The following KANK2 variants were observed in gnomAD, a reference collection of about 807,000 sequenced individuals.
KANK2 encodes KN motif and ankyrin repeat domains 2.
In KANK2, 41 loss-of-function variants were observed where a neutral mutation model predicts 74.6. The observed-to-expected ratio is 0.55, with a 90% CI of 0.43 to 0.71. KANK2 has a LOEUF of 0.71. Ranked by LOEUF, KANK2 falls within the 30% of genes least tolerant of loss-of-function variation. The pLI is 0.00. For synonymous variants in KANK2, 537 were observed against 519.0 expected (o/e 1.03, Z -0.47); for missense variants, 1,148 against 1,196.4 (o/e 0.96, Z 0.60).
intron 12 of KANK2, among the ~76,000 whole-genome samples, chr19:11,168,151 C>A (rs530528535): frequency 2.6e-5 from 4 of 151,776 alleles, no homozygotes; most frequent in African/African-American, 7.2e-5. Flanking sequence ...TAAAGGCATG[C>A]GCCACCACAC....
Position 11,170,216 on chromosome 19 carries a change from G to T in KANK2, c.2244C>A (p.Ser748Arg), listed in dbSNP as rs1289931642. The T allele has an allele frequency of 6.2e-7, 1 of 1,610,720 alleles. No homozygotes were observed. Among genetic ancestry groups the T allele is most frequent in the Non-Finnish European group, 8.5e-7 (1 of 1,180,016 alleles). Residue 748 changes from serine (S) to arginine (R), a missense_variant, in exon 11 of 13, where the codon AGC becomes AGA. Transcript: ENST00000586659. This position sits in a 1 kb window ranked among gnomAD's most constrained non-coding sequence, Gnocchi z 5.2. ...CTTTGACAACGTCCACCCGCCCGTG[G>T]CTGACGGCCAGCATCAGGGCCGTCT... Reference protein sequence around the residue: ...AGQTALMLAVSHGRVDVVKAL... With the variant: ...AGQTALMLAVRHGRVDVVKAL...
In KANK2 at chr19:11,170,297, G is replaced by T. The variant is rs751197895; in HGVS notation, c.2212-49C>A. The T allele has an allele frequency of 5.9e-6, 9 of 1,516,778 alleles. No individual in the cohort carries two copies. In the South Asian group the frequency reaches 1.0e-4, roughly 17 times the overall value. 94.0% of individuals were successfully genotyped at this position (1,516,778 alleles called of 1,614,324 possible). On this transcript the variant is annotated intron_variant, in intron 10 of 12. Transcript: ENST00000586659. This position sits in a 1 kb window ranked among gnomAD's most constrained non-coding sequence, Gnocchi z 5.2. ...TATGGTTCATGCAGGCCCCAGGGCA[G>T]GACACCCCCTGGTCTAGAACCTGCT...
chr19:11,193,334 C>A lies in KANK2; in HGVS notation c.746G>T (p.Cys249Phe). Residue 249 changes from cysteine to phenylalanine, a missense_variant, in exon 4 of 13, where the codon TGC becomes TTC. Cys to Phe is a radical substitution (Grantham distance 205). Transcript: ENST00000586659. The surrounding 1 kb of genome is among the most constrained non-coding windows in gnomAD (Gnocchi z 9.6). ...CTCTGGGGGATCGGGGAGGTCCAGGCAGAGCTCGCTGCGACCCCGGCCCGC... is the reference window on the plus strand; with the variant it reads ...CTCTGGGGGATCGGGGAGGTCCAGGAAGAGCTCGCTGCGACCCCGGCCCGC... ...PTAGRGRSELCLDLPDPPEDP... is the reference protein window; with the variant it reads ...PTAGRGRSELFLDLPDPPEDP... 1.9e-6 allele frequency: 3 copies of A among 1,612,796 alleles called. No individual in the cohort carries two copies. The highest frequency in any genetic ancestry group is 2.2e-5 in the East Asian group (1 of 44,866).
In KANK2 at chr19:11,164,359, T is replaced by C. The variant is rs1883934725; in HGVS notation, c.*2199A>G. 6.6e-6 allele frequency: 1 copy of C among 152,126 alleles called. No individual in the cohort carries two copies. The highest frequency in any genetic ancestry group is 1.5e-5 in the Non-Finnish European group (1 of 68,022). The allele number at this position is 152,126 out of a possible 1,614,324, so 9.4% of individuals were successfully genotyped here. Reference sequence around the variant, plus strand: ...TACTTCATTTAAGTGTAATACTGGCTTTATGGACGTACCGTGATCAGAAAG... The same window carrying C: ...TACTTCATTTAAGTGTAATACTGGCCTTATGGACGTACCGTGATCAGAAAG... On this transcript the variant is annotated 3_prime_UTR_variant, in exon 13 of 13. Transcript: ENST00000586659.
At position 11,193,443 on chromosome 19, in the gene KANK2, G is replaced by A; in HGVS notation, c.637C>T (p.Gln213Ter). Residue 213 changes from glutamine to a stop codon, truncating the protein, a stop_gained, in exon 4 of 13, where the codon CAG becomes TAG. Coordinates refer to ENST00000586659, the MANE Select transcript of KANK2 (RefSeq NM_001136191.3). LOFTEE classifies it high-confidence loss of function. The surrounding 1 kb of genome is among the most constrained non-coding windows in gnomAD (Gnocchi z 9.6). ...EEQVKLIPVL[Q>*]VKLSVLQEEK... ...TCCTGGAGCACCGAGAGCTTCACCT[G>A]GAGCACAGGGATCAGCTTCACCTGC... 1 of 1,612,328 alleles carries A rather than the reference G, an allele frequency of 6.2e-7. No individual in the cohort carries two copies. The highest frequency in any genetic ancestry group is 2.2e-5 in the East Asian group (1 of 44,874).
At chr19:11,167,559 A>C (rs2078057164) in intron 12 of KANK2, among the ~76,000 whole-genome samples, 2 of 135,614 alleles carry the variant, frequency 1.5e-5, no homozygotes, top group Admixed American at 7.5e-5. Context: ...GCGGAATCTC[A>C]CTCTGTCACC....
At chr19:11,189,083 C>T (rs1176972276) in intron 4 of KANK2, among the ~76,000 whole-genome samples, 1 of 148,452 alleles carries the variant, frequency 6.7e-6, no homozygotes, top group Non-Finnish European at 1.5e-5. Context: ...GAACACTTGA[C>T]ATGAATTGAT....
chr19:11,197,841 G>A (rs1319470772), upstream of KANK2: 1 of 151,974 alleles, frequency 6.6e-6, no homozygotes, highest in Non-Finnish European at 1.5e-5. Context: ...GCGGGGGGCG[G>A]AACGGCTCGG....
chr19:11,170,111 G>T lies in KANK2; in HGVS notation c.2349C>A (p.Gly783=). The change falls in exon 11 of 13, where the codon GGC becomes GGA. Residue 783 remains glycine (G), a synonymous_variant. Transcript: ENST00000586659. The surrounding 1 kb of genome is among the most constrained non-coding windows in gnomAD (Gnocchi z 5.2). ...STALMCACEH[G]HKEIAGLLLA... ...GCAGCAGCCCCGCGATCTCCTTGTG[G>T]CCGTGCTCACAGGCGCACATGAGGG... 1.2e-6 allele frequency: 2 copies of T among 1,613,414 alleles called. No homozygotes were observed. Among genetic ancestry groups the T allele is most frequent in the Non-Finnish European group, 1.7e-6 (2 of 1,180,024 alleles).
In KANK2 at chr19:11,164,514, A is replaced by T. The variant is rs76643934; in HGVS notation, c.*2044T>A. 3.3e-5 allele frequency: 5 copies of T among 152,176 alleles called. No homozygotes were observed. Among genetic ancestry groups the T allele is most frequent in the Non-Finnish European group, 7.3e-5 (5 of 68,054 alleles). 9.4% of individuals were successfully genotyped at this position (152,176 alleles called of 1,614,324 possible). ...TCAGGGGTCACGCATTCCTGGGCCA[A>T]GGAGTTGCTTCTAAGAGCTTAAAAT... On this transcript the variant is annotated 3_prime_UTR_variant, in exon 13 of 13. Transcript: ENST00000586659.
intron 6 of KANK2, 111 bp from the exon 7 acceptor site, chr19:11,176,928 C>T: frequency 2.4e-6 from 3 of 1,264,486 alleles, no homozygotes; most frequent in East Asian, 2.5e-5. Context: ...GCTTCCCCAT[C>T]TGTTCAATGG....
chr19:11,193,701 T>C lies in KANK2; in HGVS notation c.379A>G (p.Thr127Ala), dbSNP rs914220930. ...RGGFNPRVER[T>A]LLDARRRLED... ...AGACGGCGACGGGCATCCAGCAGCGTGCGCTCCACCCGCGGATTGAAGCCA... is the reference window on the plus strand; with the variant it reads ...AGACGGCGACGGGCATCCAGCAGCGCGCGCTCCACCCGCGGATTGAAGCCA... Residue 127 changes from threonine to alanine, a missense_variant, in exon 4 of 13, where the codon ACG (threonine) becomes GCG (alanine). Physicochemically the swap from Thr to Ala is moderately conservative, Grantham distance 58 (BLOSUM62 0). Coordinates refer to ENST00000586659, the MANE Select transcript of KANK2 (RefSeq NM_001136191.3). The surrounding 1 kb of genome is among the most constrained non-coding windows in gnomAD (Gnocchi z 9.6). The C allele has an allele frequency of 1.6e-5, 25 of 1,611,496 alleles. No individual in the cohort carries two copies. Among genetic ancestry groups the C allele is most frequent in the Non-Finnish European group, 2.0e-5 (23 of 1,179,256 alleles).
chr19:11,174,781 G>T, intron 8 of KANK2, 89 bp from the exon 9 acceptor site: 2 of 1,039,842 alleles, frequency 1.9e-6, no homozygotes, highest in Non-Finnish European at 2.9e-6. Context: ...GGAGCAAAGC[G>T]TGGTGCCCTT....
At position 11,183,235 on chromosome 19, in the gene KANK2, G is replaced by T. The variant is rs2078579558; in HGVS notation, c.1250-4515C>A. ...TTAATAAATGGACCAATGGGACAGA[G>T]AAGACAGGCTCCAATCTCTGGGCAC... On this transcript the variant is annotated intron_variant, in intron 4 of 12. Coordinates refer to ENST00000586659, the MANE Select transcript of KANK2 (RefSeq NM_001136191.3). Among the ~76,000 whole-genome samples, 4 of 152,318 alleles carry T rather than the reference G, an allele frequency of 2.6e-5. No individual in the cohort carries two copies. The South Asian group carries it at 8.3e-4, about 32-fold the overall frequency.
intron 4 of KANK2, among the ~76,000 whole-genome samples, chr19:11,186,680 C>T (rs994936267): frequency 6.6e-6 from 1 of 151,936 alleles, no homozygotes; most frequent in Non-Finnish European, 1.5e-5. Context: ...GCCTGGGCAA[C>T]AGGAGTGAAA....
chr19:11,187,028 C>T (rs1048354989), intron 4 of KANK2, among the ~76,000 whole-genome samples: 1 of 151,934 alleles, frequency 6.6e-6, no homozygotes, highest in East Asian at 1.9e-4. Flanking sequence ...GAGGCCAAGG[C>T]GGACAGATCA....
At chr19:11,187,878 C>T (rs935811696) in intron 4 of KANK2, among the ~76,000 whole-genome samples, 4 of 152,014 alleles carry the variant, frequency 2.6e-5, no homozygotes, top group African/African-American at 7.3e-5. Context: ...ACTTCAGTCC[C>T]CGAGTTCGAA....
chr19:11,194,862 A>C, intron 2 of KANK2: 2 of 211,144 alleles, frequency 9.5e-6, no homozygotes, highest in Non-Finnish European at 1.0e-5. Flanking sequence ...CAGCCTCCAC[A>C]TAGCCCTGGG....
chr19:11,178,246 CA>C (rs1485619442), intron 6 of KANK2, 98 bp downstream of exon 6: 6 of 1,071,530 alleles, frequency 5.6e-6, no homozygotes, highest in Non-Finnish European at 6.3e-6. Context: ...TTAACCAAAG[CA>C]AGGAGCTCAG....
Sources: allele counts gnomAD v4.1 joint callset (sites outside exome capture counted in the v4.1 genomes callset), GRCh38; gene constraint gnomAD v4.1.1; non-coding constraint Gnocchi (gnomAD v3.1); transcripts MANE v1.5; gene names NCBI Gene and HGNC (gene_info 2026-07-23, HGNC 2026-07-21).